The following MAP3K19 variants were observed in gnomAD, a reference collection of about 807,000 sequenced individuals.
MAP3K19 encodes the protein mitogen-activated protein kinase kinase kinase 19, also known as SPS1/STE20-related protein kinase YSK4.
A neutral mutation model predicts 114.4 loss-of-function variants in MAP3K19; 91 were observed. The ratio of observed to expected loss-of-function variants is 0.80; its 90% CI spans 0.67 to 0.95. The LOEUF is 0.95. MAP3K19 is among the 40% of genes least tolerant of loss of function. The pLI, the probability that MAP3K19 is intolerant of heterozygous loss-of-function variation, is 0.00. For missense variants in MAP3K19, 1,471 were observed against 1,573.2 expected, an observed-to-expected ratio of 0.94 and a Z score of 1.10; for synonymous variants, 518 against 530.5, an observed-to-expected ratio of 0.98 and a Z score of 0.32.
Position 135,036,893 on chromosome 2 carries a change from A to T in MAP3K19, c.-284+3470T>A, listed in dbSNP as rs79554947. Among the ~76,000 whole-genome samples, 510 of 152,274 alleles carry T rather than the reference A, an allele frequency of 3.3e-3. 16 individuals carry two copies. The East Asian group carries it at 0.054, about 16-fold the overall frequency. On this transcript the variant is annotated intron_variant, in intron 2 of 12. Coordinates refer to ENST00000392915, the MANE Select transcript of MAP3K19 (RefSeq NM_025052.5). ...GAAGCGGCAAAGGACATTGTAGGGA[A>T]CATTGGCAAGAGCAGTTTCAATGGA...
rs769577928 is a variant in MAP3K19, at chr2:134,986,388, T to C, written c.2484A>G (p.Gln828=). The C allele has an allele frequency of 6.2e-7, 1 of 1,613,936 alleles. No homozygotes were observed. Among genetic ancestry groups the C allele is most frequent in the South Asian group, 1.1e-5 (1 of 91,066 alleles). ...STGDRDISNN[Q]ILTTSLRDLQ... is the part of the protein sequence containing the mutation. ...GATCTCTGAGGCTTGTGGTGAGTAT[T>C]TGATTGTTAGAAATGTCTCTATCAC... Residue 828 remains glutamine, a synonymous_variant, in exon 10 of 13, where the codon CAA becomes CAG. Coordinates refer to ENST00000392915, the MANE Select transcript of MAP3K19 (RefSeq NM_025052.5).
chr2:135,024,732 T>G lies in MAP3K19; in HGVS notation c.-85A>C. On this transcript the variant is annotated 5_prime_UTR_variant, in exon 4 of 13. Coordinates refer to ENST00000392915, the MANE Select transcript of MAP3K19 (RefSeq NM_025052.5). The stretch of plus-strand genomic sequence containing the variant: ...CTGATTTTCCACTAAAATCACAAAG[T>G]TTAGGATCTCTAGGAAGAACAGAAT... The G allele has an allele frequency of 8.4e-7, 1 of 1,193,520 alleles. No individual in the cohort carries two copies. The allele number at this position is 1,193,520 out of a possible 1,614,324, so 73.9% of individuals were successfully genotyped here.
At chr2:135,014,378 A>C (rs531925287) in intron 5 of MAP3K19, among the ~76,000 whole-genome samples, 39 of 148,516 alleles carry the variant, frequency 2.6e-4, no homozygotes, top group African/African-American at 9.3e-4. Context: ...GAAGAAAAGA[A>C]AAAAAAAAGG....
At chr2:134,970,296 T>C (rs143253661) in intron 12 of MAP3K19, among the ~76,000 whole-genome samples, 1,690 of 152,306 alleles carry the variant, frequency 0.011, 28 homozygotes, top group African/African-American at 0.039. Context: ...CAATGTTTTG[T>C]AGTTTTCCTT....
Position 134,987,578 on chromosome 2 carries a change from T to G in MAP3K19, c.1294A>C (p.Asn432His). ...AGTACAGTACACTCTTCTAAAATAT[T>G]GTTTGGTTCCATTGCTTCATTTTTA... ...LHKNEAMEPN[N>H]ILEECTVLKS... Residue 432 changes from asparagine to histidine, a missense_variant, in exon 10 of 13, where the codon AAT becomes CAT. By Grantham distance (68) the Asn-to-His change is moderately conservative. Coordinates refer to ENST00000392915, the MANE Select transcript of MAP3K19 (RefSeq NM_025052.5). The G allele has an allele frequency of 6.2e-7, 1 of 1,614,158 alleles. No homozygotes were observed. Among genetic ancestry groups the G allele is most frequent in the South Asian group, 1.1e-5 (1 of 91,080 alleles).
chr2:135,032,591 T>C (rs1558744262), intron 2 of MAP3K19, among the ~76,000 whole-genome samples: 1 of 148,232 alleles, frequency 6.7e-6, no homozygotes, highest in African/African-American at 2.6e-5. Context: ...TTGTTTTTTT[T>C]TTAATTTAAT....
Position 135,024,719 on chromosome 2 carries a change from T to TA in MAP3K19, c.-73dup. 1 of 1,324,342 alleles carries TA rather than the reference T, an allele frequency of 7.6e-7. No individual in the cohort carries two copies. Among genetic ancestry groups the TA allele is most frequent in the South Asian group, 1.2e-5 (1 of 82,052 alleles). 82.0% of individuals were successfully genotyped at this position (1,324,342 alleles called of 1,614,324 possible). A position where few individuals can be genotyped will look rare whatever the true frequency, so the allele number is the denominator to read the frequency against. On this transcript the variant is annotated 5_prime_UTR_variant, in exon 4 of 13. Transcript: ENST00000392915. Reference sequence around the variant, plus strand: ...ACATAATGTATTGCTGATTTTCCACTAAAATCACAAAGTTTAGGATCTCTA... The same window carrying TA: ...ACATAATGTATTGCTGATTTTCCACTAAAAATCACAAAGTTTAGGATCTCTA...
intron 10 of MAP3K19, among the ~76,000 whole-genome samples, 185 bp downstream of exon 10, chr2:134,985,615 G>A (rs1382648169): frequency 6.6e-6 from 1 of 152,252 alleles, no homozygotes; most frequent in Non-Finnish European, 1.5e-5. Context: ...TCAATATAAT[G>A]AAAACATCTT....
rs571475128 is a variant in MAP3K19, at chr2:134,991,917, G to A, written c.575-337C>T. On this transcript the variant is annotated intron_variant, in intron 8 of 12. Transcript: ENST00000392915. Reference sequence around the variant, plus strand: ...CTCACAGGGCAACGTGATGAGAGCCGGGTGTTGACCTGCACAGCTGGCAGA... The same window carrying A: ...CTCACAGGGCAACGTGATGAGAGCCAGGTGTTGACCTGCACAGCTGGCAGA... Among the ~76,000 whole-genome samples, 7 of 152,296 alleles carry A rather than the reference G, an allele frequency of 4.6e-5. No homozygotes were observed. The South Asian group carries it at 6.2e-4, about 14-fold the overall frequency.
At chr2:134,965,519 G>C (rs1421380129) in intron 12 of MAP3K19, among the ~76,000 whole-genome samples, 1 of 152,146 alleles carries the variant, frequency 6.6e-6, no homozygotes, top group Non-Finnish European at 1.5e-5. Context: ...GCCAGTTAAT[G>C]AACCAATGAG....
chr2:134,989,097 C>T (rs373156358), intron 9 of MAP3K19, among the ~76,000 whole-genome samples: 6 of 152,284 alleles, frequency 3.9e-5, no homozygotes, highest in South Asian at 2.1e-4. Context: ...TTTCCTTTCT[C>T]CTTTGCCCTC....
At position 134,987,402 on chromosome 2, in the gene MAP3K19, A is replaced by G; in HGVS notation, c.1470T>C (p.Pro490=). The G allele has an allele frequency of 6.2e-7, 1 of 1,614,158 alleles. No individual in the cohort carries two copies. The highest frequency in any genetic ancestry group is 8.5e-7 in the Non-Finnish European group (1 of 1,180,018). Residue 490 remains proline (P), a synonymous_variant, in exon 10 of 13, where the codon CCT becomes CCC. Transcript: ENST00000392915. ...CTGGTTCCTTGGGGCTTCCATCCAC[A>G]GGGAAGGTGATGTGGATAAGAGGCA... ...RMVPLIHITF[P]VDGSPKEPVI...
intron 2 of MAP3K19, among the ~76,000 whole-genome samples, chr2:135,036,656 TG>T (rs1688536094): frequency 6.6e-6 from 1 of 150,734 alleles, no homozygotes; most frequent in Non-Finnish European, 1.5e-5. Context: ...TGTGTGTGTG[TG>T]TGTGTGTGTG....
intron 5 of MAP3K19, among the ~76,000 whole-genome samples, chr2:135,020,462 G>A (rs760820725): frequency 6.6e-6 from 1 of 152,334 alleles, no homozygotes. Flanking sequence ...TGCGACTACA[G>A]GCGTGTGCCA....
intron 12 of MAP3K19, among the ~76,000 whole-genome samples, chr2:134,972,475 T>A (rs1683947003): frequency 6.6e-6 from 1 of 152,186 alleles, no homozygotes; most frequent in Non-Finnish European, 1.5e-5. Context: ...TTTATTTAAA[T>A]TTTTATACTT....
chr2:135,045,517 G>A (rs959146249), intron 1 of MAP3K19, among the ~76,000 whole-genome samples: 6 of 152,112 alleles, frequency 3.9e-5, no homozygotes, highest in Non-Finnish European at 7.4e-5. Context: ...TTTCAATAAA[G>A]CTAAAAATCA....
At position 134,981,532 on chromosome 2, in the gene MAP3K19, A is replaced by G. The variant is rs1246445947; in HGVS notation, c.3223-14T>C. The G allele has an allele frequency of 1.9e-6, 3 of 1,553,966 alleles. No individual in the cohort carries two copies. The East Asian group carries it at 6.8e-5, about 35-fold the overall frequency. On this transcript the variant is annotated splice_polypyrimidine_tract_variant and intron_variant, in intron 11 of 12. Coordinates refer to ENST00000392915, the MANE Select transcript of MAP3K19 (RefSeq NM_025052.5). The stretch of plus-strand genomic sequence containing the variant: ...ACCACAGTATACCTAGAAGCAAATC[A>G]ATAATACCTTGTTATTAAATTAATG...
At chr2:135,004,568 T>G (rs1303943551) in intron 6 of MAP3K19, among the ~76,000 whole-genome samples, 1 of 152,176 alleles carries the variant, frequency 6.6e-6, no homozygotes, top group East Asian at 1.9e-4. Context: ...AGCCAGAAGA[T>G]TGCCCGGGAG....
intron 5 of MAP3K19, among the ~76,000 whole-genome samples, chr2:135,012,944 CTTGTTTGTTTGTTTGT>C (rs61102621): frequency 1.3e-5 from 2 of 151,596 alleles, no homozygotes; most frequent in Non-Finnish European, 2.9e-5. Flanking sequence ...CCCCCAAACC[CTTGTTTGTTTGTTTGT>C]TTGTTTGTAT....
Sources: gnomAD v4.1 joint callset for allele counts (sites outside exome capture counted in the v4.1 genomes callset) on GRCh38, gnomAD v4.1.1 for gene constraint, MANE v1.5 for transcripts, NCBI Gene and HGNC (gene_info 2026-07-23, HGNC 2026-07-21) for gene names.